Variants in RNF185 observed in about 807,000 individuals in gnomAD.
RNF185 encodes the protein E3 ubiquitin-protein ligase RNF185.
A neutral mutation model predicts 24.9 loss-of-function variants in RNF185; 13 were observed. That is an observed-to-expected ratio of 0.52 (90% confidence interval 0.34 to 0.83). RNF185 has a LOEUF of 0.83. RNF185 is among the 40% of genes least tolerant of loss of function. The pLI is 0.01. For missense variants in RNF185, 184 were observed against 244.7 expected (o/e 0.75, Z 1.65); for synonymous variants, 79 against 90.3 (o/e 0.88, Z 0.71).
intron 1 of RNF185, among the ~76,000 whole-genome samples, chr22:31,180,787 A>G (rs967871558): frequency 6.6e-6 from 1 of 152,194 alleles, no homozygotes; most frequent in African/African-American, 2.4e-5. Context: ...TGTGAAAGTA[A>G]TACTTATTTG....
intron 1 of RNF185, among the ~76,000 whole-genome samples, chr22:31,184,565 G>C (rs528851587): frequency 6.6e-6 from 1 of 152,148 alleles, no homozygotes; most frequent in African/African-American, 2.4e-5. Flanking sequence ...CAAGGCAGGC[G>C]GCTGGGAGGT....
intron 1 of RNF185, among the ~76,000 whole-genome samples, chr22:31,165,218 AT>A (rs1923843989): frequency 6.6e-6 from 1 of 151,954 alleles, no homozygotes; most frequent in African/African-American, 2.4e-5. Flanking sequence ...GCGCCTGGCC[AT>A]TTGCACTAAA....
chr22:31,197,530 T>TAA (rs1165563946), intron 5 of RNF185, among the ~76,000 whole-genome samples: 1 of 152,190 alleles, frequency 6.6e-6, no homozygotes, highest in Non-Finnish European at 1.5e-5. Flanking sequence ...CTGATGAACT[T>TAA]ACAGATAAAT....
intron 1 of RNF185, among the ~76,000 whole-genome samples, chr22:31,170,884 A>T (rs1275200574): frequency 6.6e-6 from 1 of 151,544 alleles, no homozygotes; most frequent in Non-Finnish European, 1.5e-5. Context: ...CTGGTCTCAA[A>T]CTCTTGTCCT....
At chr22:31,161,405 T>G (rs909693942) in intron 1 of RNF185, among the ~76,000 whole-genome samples, 2 of 152,212 alleles carry the variant, frequency 1.3e-5, no homozygotes, top group Non-Finnish European at 2.9e-5. Flanking sequence ...TTCCATCACT[T>G]TAGCCTACAT....
At position 31,187,173 on chromosome 22, in the gene RNF185, G is replaced by A. The variant is rs866564444; in HGVS notation, c.79G>A (p.Ala27Thr). 1.9e-6 allele frequency: 3 copies of A among 1,613,892 alleles called. No individual in the cohort carries two copies. The highest frequency in any genetic ancestry group is 1.1e-5 in the South Asian group (1 of 91,064). The change falls in exon 2 of 7, where the codon GCT becomes ACT. Residue 27 changes from alanine (A) to threonine (T), a missense_variant. Physicochemically the swap from Ala to Thr is moderately conservative, Grantham distance 58. Transcript: ENST00000326132. ...AGGPSGSSNG[A>T]GESGGQDSTF... ...GGGGCCCAGTGGGAGCAGCAATGGC[G>A]CTGGCGAGAGCGGAGGGCAGGACAG... is the stretch of plus-strand genomic sequence containing the variant.
Position 31,201,535 on chromosome 22 carries a change from A to T in RNF185, c.401A>T (p.Gln134Leu). 1 of 1,612,228 alleles carries T rather than the reference A, an allele frequency of 6.2e-7. No individual in the cohort carries two copies. Among genetic ancestry groups the T allele is most frequent in the Non-Finnish European group, 8.5e-7 (1 of 1,179,896 alleles). The change falls in exon 6 of 7, where the codon CAG becomes CTG. Residue 134 changes from glutamine (Q) to leucine (L), a missense_variant. By Grantham distance (113) the Gln-to-Leu change is moderately radical. Transcript: ENST00000326132. The part of the protein sequence containing the change: ...QGFGFGDGGF[Q>L]MSFGIGAFPF... Reference sequence around the variant, plus strand: ...TTTGGATTTGGAGATGGTGGCTTCCAGATGTCTTTTGGAATTGGGGCATTT... The same window carrying T: ...TTTGGATTTGGAGATGGTGGCTTCCTGATGTCTTTTGGAATTGGGGCATTT...
chr22:31,178,074 C>T (rs1028419471), intron 1 of RNF185, among the ~76,000 whole-genome samples: 9 of 152,208 alleles, frequency 5.9e-5, no homozygotes, highest in African/African-American at 1.9e-4. Flanking sequence ...GCTCTGTGTT[C>T]CTACAGGATC....
At chr22:31,190,880 G>T (rs763492610) in intron 2 of RNF185, among the ~76,000 whole-genome samples, 1 of 152,154 alleles carries the variant, frequency 6.6e-6, no homozygotes, top group Non-Finnish European at 1.5e-5. Context: ...TGGGATTACA[G>T]GCATGAGCCA....
At chr22:31,201,138 A>G (rs1420043647) in intron 5 of RNF185, among the ~76,000 whole-genome samples, 1 of 152,208 alleles carries the variant, frequency 6.6e-6, no homozygotes, top group South Asian at 2.1e-4. Context: ...TATTGCTCCT[A>G]TAAAGCATGT....
chr22:31,185,905 G>A (rs939421640), intron 1 of RNF185, among the ~76,000 whole-genome samples: 8 of 152,116 alleles, frequency 5.3e-5, no homozygotes, highest in African/African-American at 1.9e-4. Context: ...TGCAAACAGG[G>A]TGTCCATGAG....
chr22:31,189,548 C>A (rs1301092535), intron 2 of RNF185, among the ~76,000 whole-genome samples: 1 of 151,402 alleles, frequency 6.6e-6, no homozygotes, highest in African/African-American at 2.4e-5. Context: ...CTGCCCACCC[C>A]GACCTCCCAA....
chr22:31,197,121 G>A (rs939735829), intron 5 of RNF185, 131 bp downstream of exon 5: 4 of 1,380,182 alleles, frequency 2.9e-6, no homozygotes, highest in Admixed American at 2.4e-5. Context: ...AGGAAAAGAG[G>A]GGGAAAAAAA....
At position 31,206,160 on chromosome 22, in the gene RNF185, CAA is replaced by C. The variant is rs1465342760; in HGVS notation, c.*1576_*1577del. On this transcript the variant is annotated 3_prime_UTR_variant, in exon 7 of 7. Coordinates refer to ENST00000326132, the MANE Select transcript of RNF185 (RefSeq NM_152267.4). Reference sequence around the variant, plus strand: ...ATTATGACTGCATAGTTTATGGAAACAAAGATCTTGAGGAAGATGAGGGAAGC... The same window carrying C: ...ATTATGACTGCATAGTTTATGGAAACAGATCTTGAGGAAGATGAGGGAAGC... The C allele has an allele frequency of 6.5e-6, 1 of 153,146 alleles. No homozygotes were observed. The highest frequency in any genetic ancestry group is 1.9e-4 in the East Asian group (1 of 5,170). 9.5% of individuals were successfully genotyped at this position (153,146 alleles called of 1,614,324 possible).
At chr22:31,202,523 G>A (rs2048272462) in intron 6 of RNF185, among the ~76,000 whole-genome samples, 1 of 151,506 alleles carries the variant, frequency 6.6e-6, no homozygotes. Flanking sequence ...TTTCTTGACT[G>A]CCTGCCTGCC....
chr22:31,161,277 T>G (rs1923559451), intron 1 of RNF185, among the ~76,000 whole-genome samples: 1 of 152,180 alleles, frequency 6.6e-6, no homozygotes, highest in African/African-American at 2.4e-5. Context: ...GGTATATAGG[T>G]ATTAGATGAA....
chr22:31,204,147 A>G (rs1204275031), intron 6 of RNF185, among the ~76,000 whole-genome samples: 1 of 151,870 alleles, frequency 6.6e-6, no homozygotes, highest in Non-Finnish European at 1.5e-5. Context: ...GTTCGAGACC[A>G]GCCTGACCAA....
intron 1 of RNF185, among the ~76,000 whole-genome samples, chr22:31,183,900 C>A (rs2048065942): frequency 6.6e-6 from 1 of 151,606 alleles, no homozygotes; most frequent in African/African-American, 2.4e-5. Context: ...CTGTTGGGTA[C>A]ACCTCCCAGA....
chr22:31,197,154 A>G, intron 5 of RNF185, 164 bp downstream of exon 5: 5 of 932,520 alleles, frequency 5.4e-6, no homozygotes, highest in Non-Finnish European at 7.8e-6. Flanking sequence ...ACACCAATCC[A>G]GAGGTAACCA....
Sources: allele counts gnomAD v4.1 joint callset (sites outside exome capture counted in the v4.1 genomes callset), GRCh38; gene constraint gnomAD v4.1.1; transcripts MANE v1.5; gene names NCBI Gene and HGNC (gene_info 2026-07-23, HGNC 2026-07-21).